Variants in B9D1 observed in about 807,000 individuals in gnomAD.
B9D1 encodes B9 domain-containing protein 1.
In B9D1, 20 loss-of-function variants were observed where a neutral mutation model predicts 26.1. The observed-to-expected ratio is 0.77, with a 90% CI of 0.54 to 1.12. The LOEUF is 1.12. Among genes scored for constraint, B9D1 ranks in the 50% most tolerant of loss-of-function variants. The probability of loss-of-function intolerance (pLI) is 0.00; values close to 1 mark genes in which losing one functional copy is unlikely to be tolerated. For synonymous variants in B9D1, 105 were observed against 103.1 expected (o/e 1.02, Z -0.11); for missense variants, 260 against 273.7 (o/e 0.95, Z 0.35).
chr17:19,340,536 T>A (rs191629079), downstream of B9D1, among the ~76,000 whole-genome samples: 1 of 150,160 alleles, frequency 6.7e-6, no homozygotes, highest in Non-Finnish European at 1.5e-5. Context: ...TCCCAACACT[T>A]TGGGAAGCTG....
Sources: allele counts gnomAD v4.1 joint callset (sites outside exome capture counted in the v4.1 genomes callset), GRCh38; gene constraint gnomAD v4.1.1; transcripts MANE v1.5; gene names NCBI Gene and HGNC (gene_info 2026-07-23, HGNC 2026-07-21).